Variants in C16orf96 observed in about 807,000 individuals in gnomAD.
The protein encoded by C16orf96 is uncharacterized protein C16orf96.
In C16orf96, 108 loss-of-function variants were observed where a neutral mutation model predicts 103.6. The ratio of observed to expected loss-of-function variants is 1.04; its 90% confidence interval spans 0.89 to 1.22. The LOEUF is 1.22. C16orf96 is among the 50% of genes most tolerant of loss of function. The pLI, the probability that C16orf96 is intolerant of heterozygous loss-of-function variation, is 0.00. For synonymous variants in C16orf96, 566 were observed against 593.5 expected (o/e 0.95, Z 0.67); for missense variants, 1,586 against 1,464.2 (o/e 1.08, Z -1.36).
chr16:4,544,274 G>C, the C16orf96 span, among the ~76,000 whole-genome samples: 178 of 152,294 alleles, frequency 1.2e-3, 1 homozygote, highest in Non-Finnish European at 1.5e-3. Context: ...CTGGGTTCAA[G>C]TCTTAGGACA....
At chr16:4,548,747 C>T in the C16orf96 span, among the ~76,000 whole-genome samples, 5 of 152,036 alleles carry the variant, frequency 3.3e-5, no homozygotes, top group Non-Finnish European at 5.9e-5. Flanking sequence ...GTGGTGCATG[C>T]CTATAATCCC....
chr16:4,588,562 C>T (rs1447333812), intron 9 of C16orf96, among the ~76,000 whole-genome samples: 1 of 152,172 alleles, frequency 6.6e-6, no homozygotes, highest in Admixed American at 6.6e-5. Flanking sequence ...AAGAGATTCC[C>T]TCACATGGCT....
chr16:4,561,619 AG>A (rs2059332420), intron 1 of C16orf96: 1 of 152,280 alleles, frequency 6.6e-6, no homozygotes, highest in African/African-American at 2.4e-5. Flanking sequence ...CTAGCTGTAC[AG>A]CCTTCAGGAC....
intron 9 of C16orf96, among the ~76,000 whole-genome samples, chr16:4,590,620 C>G (rs774155111): frequency 2.0e-5 from 3 of 151,918 alleles, no homozygotes; most frequent in Non-Finnish European, 2.9e-5. Flanking sequence ...TGCGGTGGCT[C>G]ACACCTGTAA....
intron 2 of C16orf96, among the ~76,000 whole-genome samples, chr16:4,572,448 C>T (rs925542125): frequency 1.6e-4 from 25 of 151,894 alleles, no homozygotes; most frequent in African/African-American, 2.9e-4. Context: ...TACAGGCGCC[C>T]GCCCCCATGC....
upstream of C16orf96, among the ~76,000 whole-genome samples, chr16:4,556,246 G>A (rs2059261204): frequency 6.6e-6 from 1 of 152,096 alleles, no homozygotes; most frequent in Non-Finnish European, 1.5e-5. Flanking sequence ...GGCTTACCAG[G>A]GAGCACCTGC....
chr16:4,547,288 C>G, the C16orf96 span, among the ~76,000 whole-genome samples: 2 of 152,316 alleles, frequency 1.3e-5, no homozygotes, highest in East Asian at 3.9e-4. Context: ...GTGTGCCCAC[C>G]ACCACACCCA....
the C16orf96 span, among the ~76,000 whole-genome samples, chr16:4,545,690 C>T: frequency 7.9e-5 from 12 of 152,134 alleles, no homozygotes; most frequent in Non-Finnish European, 1.0e-4. Flanking sequence ...CCAACAGCAC[C>T]CACCTCCCAC....
intron 1 of C16orf96, among the ~76,000 whole-genome samples, chr16:4,564,571 G>A (rs2059367719): frequency 6.6e-6 from 1 of 152,200 alleles, no homozygotes; most frequent in South Asian, 2.1e-4. Flanking sequence ...AGCACTTTGG[G>A]AGGCTGAGGC....
Position 4,556,396 on chromosome 16 carries a change from A to T in C16orf96, c.-94A>T. ...GACTCACCACCACCCCAGGCCTCTG[A>T]GGACCAGTCCATGTAGCTCTCGGAA... On this transcript the variant is annotated 5_prime_UTR_variant, in exon 1 of 16. Transcript: ENST00000444310. 1 of 1,321,978 alleles carries T rather than the reference A, an allele frequency of 7.6e-7. No individual in the cohort carries two copies. 81.9% of individuals were successfully genotyped at this position (1,321,978 alleles called of 1,614,324 possible).
At chr16:4,581,178 ATATAT>A in intron 7 of C16orf96, among the ~76,000 whole-genome samples, 3 of 126,706 alleles carry the variant, frequency 2.4e-5, no homozygotes, top group Admixed American at 7.9e-5. Flanking sequence ...ATATATATAT[ATATAT>A]AATTAGCCAG....
chr16:4,581,141 C>CACATATATATATATAT (rs71402548), intron 7 of C16orf96, among the ~76,000 whole-genome samples: 1 of 46,752 alleles, frequency 2.1e-5, no homozygotes, highest in African/African-American at 5.7e-5. Context: ...TATATGTATA[C>CACATATATATATATAT]ATATATATAT....
At chr16:4,583,332 C>A (rs769653305) in intron 7 of C16orf96, among the ~76,000 whole-genome samples, 1 of 151,624 alleles carries the variant, frequency 6.6e-6, no homozygotes, top group Non-Finnish European at 1.5e-5. Flanking sequence ...AAGGCCCCAT[C>A]GCTAAAAAAA....
In C16orf96 at chr16:4,600,491, C is replaced by CG. The variant is rs1466160685; in HGVS notation, c.*174_*175insG. The CG allele has an allele frequency of 6.2e-4, 293 of 473,260 alleles. 5 individuals carry two copies. Among genetic ancestry groups the CG allele is most frequent in the South Asian group, 2.5e-3 (115 of 45,486 alleles). The allele number at this position is 473,260 out of a possible 1,614,324, so 29.3% of individuals were successfully genotyped here. ...ATGTCCGAGGCTGAGGCTCATGCGC[C>CG]CCCCCCCATCCCTACCAAGTCCCCT... On this transcript the variant is annotated 3_prime_UTR_variant, in exon 16 of 16. Transcript: ENST00000444310.
chr16:4,583,677 C>G (rs767693080), intron 7 of C16orf96, among the ~76,000 whole-genome samples: 3 of 152,088 alleles, frequency 2.0e-5, no homozygotes, highest in Non-Finnish European at 4.4e-5. Context: ...AATTCCAGCA[C>G]TTTGGGAGGC....
intron 14 of C16orf96, among the ~76,000 whole-genome samples, chr16:4,596,009 C>A (rs1036718222): frequency 3.3e-5 from 5 of 152,048 alleles, no homozygotes; most frequent in Non-Finnish European, 7.4e-5. Context: ...TTCTTTCTTG[C>A]CAACGCTGTG....
intron 1 of C16orf96, among the ~76,000 whole-genome samples, chr16:4,562,356 C>T (rs186939770): frequency 6.8e-4 from 103 of 151,986 alleles, no homozygotes; most frequent in African/African-American, 2.5e-3. Context: ...CACCTGTAGT[C>T]CCAGGTACTC....
rs112018776 is a variant in C16orf96 at position 4,563,195 on chromosome 16, G to A, written c.420+6286G>A. On this transcript the variant is annotated intron_variant, in intron 1 of 15. Transcript: ENST00000444310. ...AACAAGTTCCTTTGCTTTAGGCATC[G>A]CTTCGCTCGGCTCTAGCAGTGGAAC... 28 of 645,108 alleles carry A rather than the reference G, an allele frequency of 4.3e-5. No homozygotes were observed. In the East Asian group the frequency reaches 5.1e-4, roughly 12 times the overall value. 40.0% of individuals were successfully genotyped at this position (645,108 alleles called of 1,614,324 possible). A position where few individuals can be genotyped will look rare whatever the true frequency, so the allele number is the denominator to read the frequency against.
chr16:4,564,130 C>A (rs551895894), intron 1 of C16orf96, among the ~76,000 whole-genome samples: 1 of 152,102 alleles, frequency 6.6e-6, no homozygotes, highest in South Asian at 2.1e-4. Flanking sequence ...GATTGCGCCA[C>A]TGCACTCCAG....
Sources: gnomAD v4.1 joint callset for allele counts (sites outside exome capture counted in the v4.1 genomes callset) on GRCh38, gnomAD v4.1.1 for gene constraint, MANE v1.5 for transcripts, NCBI Gene and HGNC (gene_info 2026-07-23, HGNC 2026-07-21) for gene names.